The following INTS1 variants were observed in gnomAD, a reference collection of about 807,000 sequenced individuals.
INTS1 encodes the protein integrator complex subunit 1.
A neutral mutation model predicts 241.6 loss-of-function variants in INTS1; 137 were observed. That is an observed-to-expected ratio of 0.57 (90% CI 0.49 to 0.65). The LOEUF (loss-of-function observed/expected upper bound fraction) is 0.65, where lower values mean the gene tolerates loss of function less well. Among genes scored for constraint, INTS1 ranks in the 30% least tolerant of loss-of-function variants. The probability of loss-of-function intolerance (pLI) is 0.00; values close to 1 mark genes in which losing one functional copy is unlikely to be tolerated. For synonymous variants in INTS1, 1,692 were observed against 1,337.8 expected, an observed-to-expected ratio of 1.26 and a Z score of -5.78; for missense variants, 3,073 against 3,032.2, an observed-to-expected ratio of 1.01 and a Z score of -0.32.
chr7:1,501,833 G>C (rs984818826), intron 3 of INTS1, among the ~76,000 whole-genome samples: 1 of 152,244 alleles, frequency 6.6e-6, no homozygotes, highest in Non-Finnish European at 1.5e-5. Flanking sequence ...TGCCCACAGC[G>C]CCCAGCCTCA....
rs3735660 is a variant in INTS1 at position 1,497,081 on chromosome 7, T to C, written c.1602+57A>G. On this transcript the variant is annotated intron_variant, in intron 11 of 47. Coordinates refer to ENST00000404767, the MANE Select transcript of INTS1 (RefSeq NM_001080453.3). The surrounding 1 kb of genome is among the most constrained non-coding windows in gnomAD (Gnocchi z 5.3). Reference sequence around the variant, plus strand: ...TGCATGGGACCCAGGACGAGGGGGATGGCGGCGCGTGGAACCCGCAGTGAG... The same window carrying C: ...TGCATGGGACCCAGGACGAGGGGGACGGCGGCGCGTGGAACCCGCAGTGAG... The C allele has an allele frequency of 0.45, 667,122 of 1,493,966 alleles. 156,209 individuals carry two copies. The highest frequency in any genetic ancestry group is 0.77 in the African/African-American group (55,945 of 72,394). The allele number at this position is 1,493,966 out of a possible 1,614,324, so 92.5% of individuals were successfully genotyped here. A position where few individuals can be genotyped will look rare whatever the true frequency, so the allele number is the denominator to read the frequency against.
In INTS1 at chr7:1,481,874, G is replaced by A. The variant is rs1046984940; in HGVS notation, c.3704-386C>T. Among the ~76,000 whole-genome samples the A allele has an allele frequency of 9.9e-5, 15 of 152,126 alleles. 1 individual carries two copies. The highest frequency in any genetic ancestry group is 3.3e-4 in the Admixed American group (5 of 15,272). On this transcript the variant is annotated intron_variant, in intron 27 of 47. Transcript: ENST00000404767. The surrounding 1 kb of genome is among the most constrained non-coding windows in gnomAD (Gnocchi z 6.8). Reference sequence around the variant, plus strand: ...ACCTTGCACCCTGGATGGCAGCTGTGTGGGCCCCATCCCCAGGGGTGGGTG... The same window carrying A: ...ACCTTGCACCCTGGATGGCAGCTGTATGGGCCCCATCCCCAGGGGTGGGTG...
At position 1,486,911 on chromosome 7, in the gene INTS1, G is replaced by A; in HGVS notation, c.2826+11C>T. 5 of 1,575,000 alleles carry A rather than the reference G, an allele frequency of 3.2e-6. No individual in the cohort carries two copies. The highest frequency in any genetic ancestry group is 4.3e-6 in the Non-Finnish European group (5 of 1,160,914). ...GAGAGGCGGGGGGGCTGAGGGGTGGGCGGCCCTGACCTGCCGCTTCTTGGC... is the reference window on the plus strand; with the variant it reads ...GAGAGGCGGGGGGGCTGAGGGGTGGACGGCCCTGACCTGCCGCTTCTTGGC... On this transcript the variant is annotated intron_variant, in intron 21 of 47. Coordinates refer to ENST00000404767, the MANE Select transcript of INTS1 (RefSeq NM_001080453.3).
At chr7:1,499,786 C>A in intron 5 of INTS1, 98 bp downstream of exon 5, 1 of 1,478,522 alleles carries the variant, frequency 6.8e-7, no homozygotes, top group Non-Finnish European at 9.1e-7. Context: ...GGCTGTCAGA[C>A]ACAGCCCTCT....
Position 1,478,895 on chromosome 7 carries a change from C to A in INTS1, c.4330-10G>T. 1 of 1,589,956 alleles carries A rather than the reference C, an allele frequency of 6.3e-7. No homozygotes were observed. The highest frequency in any genetic ancestry group is 1.7e-5 in the Admixed American group (1 of 59,398). On this transcript the variant is annotated splice_polypyrimidine_tract_variant and intron_variant, in intron 31 of 47. Coordinates refer to ENST00000404767, the MANE Select transcript of INTS1 (RefSeq NM_001080453.3). ...CCTGTGGCACACAGCGCTGCGGGGA[C>A]AAAGTGGCACGTGGCTACCCTGGCA...
intron 39 of INTS1, 119 bp downstream of exon 39, chr7:1,475,829 T>C (rs2128533389): frequency 7.7e-7 from 1 of 1,292,612 alleles, no homozygotes; most frequent in East Asian, 2.6e-5. Context: ...CGGCGCGGAC[T>C]GGGAAGGGGC....
intron 23 of INTS1, 23 bp downstream of exon 23, chr7:1,485,267 G>A (rs201767625): frequency 2.9e-5 from 46 of 1,598,830 alleles, no homozygotes; most frequent in Non-Finnish European, 3.5e-5. Context: ...TTTCCCTGCC[G>A]CGGCCCCGGT....
chr7:1,477,456 G>A, intron 35 of INTS1, 94 bp downstream of exon 35: 1 of 1,410,246 alleles, frequency 7.1e-7, no homozygotes, highest in South Asian at 1.5e-5. Flanking sequence ...TGGGGCCCCT[G>A]CAAGGCTCGC....
chr7:1,472,934 C>T, intron 43 of INTS1, 138 bp downstream of exon 43: 1 of 579,032 alleles, frequency 1.7e-6, no homozygotes, highest in Non-Finnish European at 3.0e-6. Context: ...GGTCAGGGGC[C>T]AGCCAGCAAG....
In INTS1 at chr7:1,476,447, C is replaced by T. The variant is rs1781723033; in HGVS notation, c.5160G>A (p.Arg1720=). Residue 1720 remains arginine (R), a synonymous_variant, in exon 38 of 48, where the codon CGG becomes CGA. Transcript: ENST00000404767. ...GRDQRTPQKR[R]EELVLRVQGP... is the part of the protein sequence containing the mutation. ...CCTGGACCCGCAGCACCAGCTCCTCCCGCCGCTTCTGTAACGGGTGCCTGC... is the reference window on the plus strand; with the variant it reads ...CCTGGACCCGCAGCACCAGCTCCTCTCGCCGCTTCTGTAACGGGTGCCTGC... 3.2e-6 allele frequency: 5 copies of T among 1,570,392 alleles called. No individual in the cohort carries two copies. The South Asian group carries it at 4.6e-5, about 14-fold the overall frequency.
At chr7:1,494,961 G>T (rs1005839796) in intron 13 of INTS1, 68 bp from the exon 14 acceptor site, 1 of 1,526,510 alleles carries the variant, frequency 6.6e-7, no homozygotes, top group Non-Finnish European at 8.8e-7. Flanking sequence ...TTAGTTCCAG[G>T]GAAGGGACCC....
chr7:1,487,793 A>C lies in INTS1; in HGVS notation c.2483T>G (p.Leu828Arg), dbSNP rs1782344990. ...CAGGCTGGTGAGCTGCGACAGGAGG[A>C]GGCTGCTGCTCTCAGTGATGGTCTG... ...TKQTITESSS[L>R]LLSQLTSLDP... The change falls in exon 19 of 48, where the codon CTC becomes CGC. Residue 828 changes from leucine to arginine, a missense_variant. Coordinates refer to ENST00000404767, the MANE Select transcript of INTS1 (RefSeq NM_001080453.3). The C allele has an allele frequency of 2.5e-6, 4 of 1,611,214 alleles. No homozygotes were observed. The highest frequency in any genetic ancestry group is 1.1e-5 in the South Asian group (1 of 91,080).
intron 16 of INTS1, among the ~76,000 whole-genome samples, chr7:1,489,887 C>T (rs1051436740): frequency 6.6e-6 from 1 of 151,908 alleles, no homozygotes; most frequent in Non-Finnish European, 1.5e-5. Flanking sequence ...CTGTCCTTAC[C>T]TTTCTAAGTC....
chr7:1,495,905 C>T (rs974393568), intron 12 of INTS1, among the ~76,000 whole-genome samples: 2 of 152,246 alleles, frequency 1.3e-5, no homozygotes, highest in African/African-American at 4.8e-5. Context: ...CTGCAATGCC[C>T]CCATGCTGGG....
chr7:1,475,989 G>A lies in INTS1; in HGVS notation c.5461C>T (p.Leu1821=), dbSNP rs376178350. 209 of 1,545,288 alleles carry A rather than the reference G, an allele frequency of 1.4e-4. No homozygotes were observed. The highest frequency in any genetic ancestry group is 1.7e-4 in the Non-Finnish European group (195 of 1,146,714). Reference sequence around the variant, plus strand: ...CTGGCAGCCCCTTCGCTGTGCAGTAGGACCTCAGGCACGGGCACCCGCAGC... The same window carrying A: ...CTGGCAGCCCCTTCGCTGTGCAGTAAGACCTCAGGCACGGGCACCCGCAGC... The part of the protein sequence containing the change: ...PELRVPVPEV[L]LHSEGAASSS... Residue 1821 remains leucine (L), a synonymous_variant, in exon 39 of 48, where the codon CTA becomes TTA. Transcript: ENST00000404767.
chr7:1,473,408 C>T (rs1053705711), intron 42 of INTS1, among the ~76,000 whole-genome samples, 158 bp downstream of exon 42: 2 of 152,158 alleles, frequency 1.3e-5, no homozygotes, highest in East Asian at 1.9e-4. Context: ...CAGGGTGGGG[C>T]GGCCTCTGCG....
rs1374209056 is a variant in INTS1 at position 1,499,925 on chromosome 7, C to T, written c.643G>A (p.Ala215Thr). ...SVLACNLLMA[A>T]YEEDENWPEI... ...GGCCAGTTCTCGTCCTCCTCGTAGG[C>T]GGCCATGAGGAGGTTACAGGCCAGC... The change falls in exon 5 of 48, where the codon GCC (alanine) becomes ACC (threonine). Residue 215 changes from alanine (A) to threonine (T), a missense_variant. Ala to Thr is a moderately conservative substitution (Grantham distance 58). Transcript: ENST00000404767. 2.5e-6 allele frequency: 4 copies of T among 1,613,618 alleles called. No individual in the cohort carries two copies. The highest frequency in any genetic ancestry group is 1.7e-5 in the Admixed American group (1 of 59,992).
Position 1,493,841 on chromosome 7 carries a change from G to A in INTS1, c.1981C>T (p.Leu661=). ...GGCCCGAGCGGGAGCTCCCGGGACA[G>A]CCCGATGACCAGGATGCGCATCAGC... is the stretch of plus-strand genomic sequence containing the variant. ...DTLMRILVIG[L]SRELPLGPAD... Residue 661 remains leucine (L), a synonymous_variant, in exon 15 of 48, where the codon CTG becomes TTG. Coordinates refer to ENST00000404767, the MANE Select transcript of INTS1 (RefSeq NM_001080453.3). The surrounding 1 kb of genome is among the most constrained non-coding windows in gnomAD (Gnocchi z 5.3). 1 of 1,570,988 alleles carries A rather than the reference G, an allele frequency of 6.4e-7. No individual in the cohort carries two copies. The highest frequency in any genetic ancestry group is 8.6e-7 in the Non-Finnish European group (1 of 1,159,198).
chr7:1,477,036 G>A lies in INTS1; in HGVS notation c.4939-118C>T, dbSNP rs971355237. On this transcript the variant is annotated intron_variant, in intron 35 of 47. Coordinates refer to ENST00000404767, the MANE Select transcript of INTS1 (RefSeq NM_001080453.3). ...GAGAGCCGAGGCTTGGGGTGCTGCC[G>A]GTAACACCGGCCCCGTCATGGTGCT... 28 of 1,269,042 alleles carry A rather than the reference G, an allele frequency of 2.2e-5. 1 individual carries two copies. Among genetic ancestry groups the A allele is most frequent in the Middle Eastern group, 2.7e-4 (1 of 3,664 alleles). 78.6% of individuals were successfully genotyped at this position (1,269,042 alleles called of 1,614,324 possible).
Sources: allele counts gnomAD v4.1 joint callset (sites outside exome capture counted in the v4.1 genomes callset), GRCh38; gene constraint gnomAD v4.1.1; non-coding constraint Gnocchi (gnomAD v3.1); transcripts MANE v1.5; gene names NCBI Gene and HGNC (gene_info 2026-07-23, HGNC 2026-07-21).